The following CNTNAP5 variants were observed in gnomAD, a reference collection of about 807,000 sequenced individuals.
CNTNAP5 encodes the protein contactin associated protein family member 5.
CNTNAP5 carries 72 observed loss-of-function variants against 150.2 expected under a neutral mutation model. That is an observed-to-expected ratio of 0.48 (90% CI 0.40 to 0.58). The LOEUF is 0.58. Ranked by LOEUF, CNTNAP5 falls within the 20% of genes least tolerant of loss-of-function variation. CNTNAP5 has a pLI of 0.00. For synonymous variants in CNTNAP5, 672 were observed against 619.8 expected, an observed-to-expected ratio of 1.08 and a Z score of -1.25; for missense variants, 1,636 against 1,626.2, an observed-to-expected ratio of 1.01 and a Z score of -0.10.
intron 3 of CNTNAP5, among the ~76,000 whole-genome samples, chr2:124,378,548 A>C (rs1690710674): frequency 6.6e-6 from 1 of 152,144 alleles, no homozygotes; most frequent in African/African-American, 2.4e-5. Context: ...ACAGCTGCTT[A>C]AAATTACATT....
At chr2:124,107,302 T>G (rs1683190734) in intron 1 of CNTNAP5, among the ~76,000 whole-genome samples, 1 of 152,308 alleles carries the variant, frequency 6.6e-6, no homozygotes, top group East Asian at 1.9e-4. Flanking sequence ...CATGAAGACC[T>G]TCCAGAGGCA....
chr2:124,048,855 A>T (rs551792239), intron 1 of CNTNAP5, among the ~76,000 whole-genome samples: 21 of 152,344 alleles, frequency 1.4e-4, no homozygotes, highest in African/African-American at 5.1e-4. Context: ...AATTGGACAC[A>T]GTGTCCTTGA....
chr2:124,416,082 A>G (rs1478071329), intron 3 of CNTNAP5, among the ~76,000 whole-genome samples: 1 of 152,074 alleles, frequency 6.6e-6, no homozygotes, highest in African/African-American at 2.4e-5. Context: ...ATCTTCCCTA[A>G]TTAATTACAT....
intron 10 of CNTNAP5, among the ~76,000 whole-genome samples, chr2:124,530,926 G>T (rs897432432): frequency 3.3e-5 from 5 of 152,098 alleles, no homozygotes; most frequent in African/African-American, 1.2e-4. Flanking sequence ...TAAGCCAGCG[G>T]TCCCCAACCT....
At chr2:124,843,945 C>G (rs542056253) in intron 19 of CNTNAP5, among the ~76,000 whole-genome samples, 166 of 152,166 alleles carry the variant, frequency 1.1e-3, no homozygotes, top group African/African-American at 3.9e-3. Context: ...TATTTTCTCC[C>G]ACTCTGGGTT....
chr2:124,914,322 G>A lies in CNTNAP5; in HGVS notation c.*34G>A, dbSNP rs772317705. On this transcript the variant is annotated 3_prime_UTR_variant, in exon 24 of 24. Transcript: ENST00000682447. ...AGGGTTCCTACTACTCTTTTTTCTT[G>A]TTGTTCAATTATCTCCTCCCCCTCT... 4.9e-5 allele frequency: 73 copies of A among 1,478,842 alleles called. No individual in the cohort carries two copies. Among genetic ancestry groups the A allele is most frequent in the Non-Finnish European group, 6.7e-5 (71 of 1,066,522 alleles). The allele number at this position is 1,478,842 out of a possible 1,614,324, so 91.6% of individuals were successfully genotyped here.
intron 7 of CNTNAP5, among the ~76,000 whole-genome samples, chr2:124,491,401 A>G (rs1170737644): frequency 1.3e-5 from 2 of 151,290 alleles, no homozygotes; most frequent in African/African-American, 2.4e-5. Context: ...GTATGTGTGT[A>G]TATATATATT....
chr2:124,175,427 C>A (rs941304374), intron 1 of CNTNAP5, among the ~76,000 whole-genome samples: 3 of 151,958 alleles, frequency 2.0e-5, no homozygotes, highest in Non-Finnish European at 4.4e-5. Context: ...GTATATTCTC[C>A]TGTGATCTTT....
intron 19 of CNTNAP5, among the ~76,000 whole-genome samples, chr2:124,857,770 T>G (rs1391896137): frequency 5.9e-5 from 9 of 151,872 alleles, no homozygotes; most frequent in Non-Finnish European, 1.0e-4. Context: ...GAGGTTGCAG[T>G]GAGCTGAGAT....
At chr2:124,109,275 C>G (rs1683243248) in intron 1 of CNTNAP5, among the ~76,000 whole-genome samples, 1 of 152,190 alleles carries the variant, frequency 6.6e-6, no homozygotes, top group Non-Finnish European at 1.5e-5. Flanking sequence ...CTCCCAGCTT[C>G]TCTGCCTCTG....
intron 1 of CNTNAP5, among the ~76,000 whole-genome samples, chr2:124,085,338 T>A (rs1320898592): frequency 2.0e-5 from 3 of 152,218 alleles, no homozygotes; most frequent in Non-Finnish European, 4.4e-5. Context: ...ATTTATGAGA[T>A]ACAGCTGTTT....
intron 1 of CNTNAP5, among the ~76,000 whole-genome samples, chr2:124,054,524 C>T (rs1449600918): frequency 6.6e-6 from 1 of 151,976 alleles, no homozygotes; most frequent in African/African-American, 2.4e-5. Flanking sequence ...CTTCCAGCAG[C>T]CTGGTTGAAA....
chr2:124,663,229 G>T (rs1028681978), intron 13 of CNTNAP5, among the ~76,000 whole-genome samples: 10 of 152,102 alleles, frequency 6.6e-5, no homozygotes, highest in African/African-American at 2.4e-4. Flanking sequence ...AACAATCCTT[G>T]CTTAAATCAG....
At chr2:124,208,380 T>C (rs1685917655) in intron 1 of CNTNAP5, among the ~76,000 whole-genome samples, 1 of 152,202 alleles carries the variant, frequency 6.6e-6, no homozygotes, top group Admixed American at 6.5e-5. Context: ...CCAAAATTCA[T>C]ATAAGGAACT....
intron 1 of CNTNAP5, among the ~76,000 whole-genome samples, chr2:124,137,150 C>T (rs1683992158): frequency 6.6e-6 from 1 of 152,106 alleles, no homozygotes; most frequent in African/African-American, 2.4e-5. Context: ...CCACCTCGTA[C>T]TGCCTAGAAC....
intron 1 of CNTNAP5, among the ~76,000 whole-genome samples, chr2:124,158,091 G>A (rs1228167578): frequency 6.6e-6 from 1 of 152,176 alleles, no homozygotes; most frequent in African/African-American, 2.4e-5. Flanking sequence ...GTGGGTCACT[G>A]AATTAAACAA....
At chr2:124,606,687 C>G (rs1697112724) in intron 11 of CNTNAP5, among the ~76,000 whole-genome samples, 1 of 152,142 alleles carries the variant, frequency 6.6e-6, no homozygotes, top group Non-Finnish European at 1.5e-5. Flanking sequence ...CAAGGAGGAA[C>G]AATTCACATC....
intron 4 of CNTNAP5, among the ~76,000 whole-genome samples, chr2:124,422,969 CTTCA>C (rs1393831556): frequency 3.3e-5 from 5 of 152,210 alleles, no homozygotes; most frequent in Non-Finnish European, 7.3e-5. Flanking sequence ...TCAAACATCA[CTTCA>C]TTCTTAGTCT....
At chr2:124,267,485 G>A (rs114216684) in intron 3 of CNTNAP5, among the ~76,000 whole-genome samples, 1,576 of 152,150 alleles carry the variant, frequency 0.01, 32 homozygotes, top group African/African-American at 0.035. Context: ...GATATTGCAC[G>A]TCTCCCTGTA....
Sources: gnomAD v4.1 joint callset for allele counts (sites outside exome capture counted in the v4.1 genomes callset) on GRCh38, gnomAD v4.1.1 for gene constraint, MANE v1.5 for transcripts, NCBI Gene and HGNC (gene_info 2026-07-23, HGNC 2026-07-21) for gene names.